The following PLCL1 variants were observed in gnomAD, a reference collection of about 807,000 sequenced individuals.
PLCL1 encodes the protein phospholipase C like 1 (inactive).
Under a neutral mutation model 84.4 loss-of-function variants are expected in PLCL1, and 41 were observed. The ratio of observed to expected loss-of-function variants is 0.49; its 90% CI spans 0.38 to 0.63. The LOEUF is 0.63. Ranked by LOEUF, PLCL1 falls within the 30% of genes least tolerant of loss-of-function variation. The probability of loss-of-function intolerance (pLI) is 0.00; values close to 1 mark genes in which losing one functional copy is unlikely to be tolerated. For synonymous variants in PLCL1, 490 were observed against 488.3 expected (o/e 1.00, Z -0.05); for missense variants, 1,206 against 1,367.8 (o/e 0.88, Z 1.87).
intron 1 of PLCL1, among the ~76,000 whole-genome samples, chr2:197,974,332 A>T (rs779848498): frequency 2.6e-5 from 4 of 152,200 alleles, no homozygotes; most frequent in African/African-American, 4.8e-5. Context: ...CATGGATCTG[A>T]TGTGAATTGT....
At chr2:197,937,751 A>G (rs937443504) in intron 1 of PLCL1, among the ~76,000 whole-genome samples, 2 of 152,222 alleles carry the variant, frequency 1.3e-5, no homozygotes, top group Non-Finnish European at 2.9e-5. Flanking sequence ...ACAATGAAAG[A>G]TTAAATATAA....
intron 1 of PLCL1, among the ~76,000 whole-genome samples, chr2:197,950,029 T>G (rs1574964585): frequency 1.3e-5 from 2 of 152,138 alleles, no homozygotes; most frequent in Admixed American, 6.6e-5. Context: ...CCTCAGAAAC[T>G]TGGGGCAGAG....
At chr2:198,091,386 A>C (rs1048759056) in intron 3 of PLCL1, among the ~76,000 whole-genome samples, 1 of 152,158 alleles carries the variant, frequency 6.6e-6, no homozygotes, top group African/African-American at 2.4e-5. Context: ...TGGAGTGAAC[A>C]TTTAAAAACA....
Position 197,876,157 on chromosome 2 carries a change from A to G in PLCL1, c.240+70818A>G, listed in dbSNP as rs565024532. 1.2e-3 allele frequency among the ~76,000 whole-genome samples: 186 copies of G among 152,304 alleles called. 1 individual carries two copies. Among genetic ancestry groups the G allele is most frequent in the African/African-American group, 4.3e-3 (179 of 41,566 alleles). ...TTGAGGGGAGTTACTCACTGATTCAACAAACGTTTCTGAGCATTGGGTATT... is the reference window on the plus strand; with the variant it reads ...TTGAGGGGAGTTACTCACTGATTCAGCAAACGTTTCTGAGCATTGGGTATT... On this transcript the variant is annotated intron_variant, in intron 1 of 5. Transcript: ENST00000428675.
chr2:198,133,475 A>G (rs1178394451), intron 5 of PLCL1, among the ~76,000 whole-genome samples: 1 of 149,586 alleles, frequency 6.7e-6, no homozygotes, highest in Non-Finnish European at 1.5e-5. Context: ...ATGTATACAT[A>G]TGTAACTAAC....
chr2:197,878,629 C>CTG (rs989129974), intron 1 of PLCL1, among the ~76,000 whole-genome samples: 7 of 151,906 alleles, frequency 4.6e-5, no homozygotes, highest in South Asian at 2.1e-4. Flanking sequence ...CTGTGGAAAA[C>CTG]TGTGTGTGTG....
intron 1 of PLCL1, among the ~76,000 whole-genome samples, chr2:197,901,198 G>A (rs535010839): frequency 6.6e-6 from 1 of 152,270 alleles, no homozygotes; most frequent in East Asian, 1.9e-4. Flanking sequence ...CAGTATATGA[G>A]GAGACTTTTA....
chr2:197,886,605 A>G (rs368240490), intron 1 of PLCL1, among the ~76,000 whole-genome samples: 1 of 152,014 alleles, frequency 6.6e-6, no homozygotes. Context: ...GGAAAAAAAA[A>G]TTATCAGAAA....
intron 2 of PLCL1, among the ~76,000 whole-genome samples, chr2:198,087,592 C>A: frequency 6.6e-6 from 1 of 152,050 alleles, no homozygotes; most frequent in Non-Finnish European, 1.5e-5. Context: ...GCAATGTTAG[C>A]CTTTAAATCC....
chr2:197,864,557 T>C (rs1228504499), intron 1 of PLCL1, among the ~76,000 whole-genome samples: 6 of 151,826 alleles, frequency 4.0e-5, no homozygotes, highest in Non-Finnish European at 5.9e-5. Context: ...CACAGCTCAC[T>C]GTACCCTCGA....
intron 1 of PLCL1, among the ~76,000 whole-genome samples, chr2:197,870,817 A>C (rs999139283): frequency 6.6e-6 from 1 of 151,428 alleles, no homozygotes; most frequent in Non-Finnish European, 1.5e-5. Context: ...ATGTGAGTAG[A>C]TAGGAGTGAC....
chr2:197,893,550 C>G (rs1688072397), intron 1 of PLCL1, among the ~76,000 whole-genome samples: 1 of 152,162 alleles, frequency 6.6e-6, no homozygotes, highest in Non-Finnish European at 1.5e-5. Flanking sequence ...GCACAGGCAT[C>G]ATTACAAATG....
chr2:198,046,208 G>T (rs1027543787), intron 1 of PLCL1, among the ~76,000 whole-genome samples: 3 of 152,132 alleles, frequency 2.0e-5, no homozygotes, highest in Non-Finnish European at 4.4e-5. Flanking sequence ...TGCAAGAGGA[G>T]CTATCTAGAC....
chr2:198,100,459 A>G (rs1009673776), intron 3 of PLCL1, among the ~76,000 whole-genome samples: 5 of 152,080 alleles, frequency 3.3e-5, no homozygotes, highest in Non-Finnish European at 5.9e-5. Context: ...ATCAGGGCAG[A>G]TGGCTTAAGA....
chr2:197,887,333 A>G (rs2105721717), intron 1 of PLCL1, among the ~76,000 whole-genome samples: 1 of 152,266 alleles, frequency 6.6e-6, no homozygotes, highest in Non-Finnish European at 1.5e-5. Flanking sequence ...TGTCTTCAGT[A>G]TTTTGCTGTA....
At chr2:197,946,301 G>C (rs1483029649) in intron 1 of PLCL1, among the ~76,000 whole-genome samples, 1 of 152,086 alleles carries the variant, frequency 6.6e-6, no homozygotes, top group Admixed American at 6.5e-5. Context: ...CCTGAGGGGA[G>C]TCTCCAAAAC....
At chr2:198,120,178 A>T (rs1693835222) in intron 5 of PLCL1, among the ~76,000 whole-genome samples, 1 of 151,666 alleles carries the variant, frequency 6.6e-6, no homozygotes, top group Admixed American at 6.6e-5. Context: ...GTCTACTCTT[A>T]AAAAAAATAA....
chr2:198,059,300 A>G (rs1692138648), intron 1 of PLCL1, among the ~76,000 whole-genome samples: 3 of 152,248 alleles, frequency 2.0e-5, no homozygotes, highest in Non-Finnish European at 2.9e-5. Flanking sequence ...CTTAGAGCAT[A>G]TAAAAAGAAA....
At chr2:198,036,172 C>G (rs1691547832) in intron 1 of PLCL1, among the ~76,000 whole-genome samples, 1 of 152,136 alleles carries the variant, frequency 6.6e-6, no homozygotes, top group African/African-American at 2.4e-5. Flanking sequence ...CTGACTCCTC[C>G]CTATCCATTC....
Sources: gnomAD v4.1 joint callset for allele counts (sites outside exome capture counted in the v4.1 genomes callset) on GRCh38, gnomAD v4.1.1 for gene constraint, MANE v1.5 for transcripts, NCBI Gene and HGNC (gene_info 2026-07-23, HGNC 2026-07-21) for gene names.